CBR4: variants seen among roughly 807,000 people sequenced by gnomAD.
The protein encoded by CBR4 is carbonyl reductase 4.
A neutral mutation model predicts 21.0 loss-of-function variants in CBR4; 22 were observed. The observed-to-expected ratio is 1.05, with a 90% CI of 0.75 to 1.50. The LOEUF is 1.50. CBR4 is among the 40% of genes most tolerant of loss of function. The probability of loss-of-function intolerance (pLI) is 0.00; values close to 1 mark genes in which losing one functional copy is unlikely to be tolerated. For synonymous variants in CBR4, 100 were observed against 104.4 expected (o/e 0.96, Z 0.26); for missense variants, 302 against 286.3 (o/e 1.05, Z -0.40).
In CBR4 at chr4:168,989,810, A is replaced by G; in HGVS notation, c.*340T>C. 5 of 1,004,652 alleles carry G rather than the reference A, an allele frequency of 5.0e-6. No homozygotes were observed. The highest frequency in any genetic ancestry group is 5.9e-6 in the Non-Finnish European group (5 of 842,908). The allele number at this position is 1,004,652 out of a possible 1,614,324, so 62.2% of individuals were successfully genotyped here. A position where few individuals can be genotyped will look rare whatever the true frequency, so the allele number is the denominator to read the frequency against. On this transcript the variant is annotated 3_prime_UTR_variant, in exon 5 of 5. Coordinates refer to ENST00000306193, the MANE Select transcript of CBR4 (RefSeq NM_032783.5). ...CAAAGGTAAGTGATACACATCCTTTAGAAAACACAATTTGTCTGGGGGGAT... is the reference window on the plus strand; with the variant it reads ...CAAAGGTAAGTGATACACATCCTTTGGAAAACACAATTTGTCTGGGGGGAT...
At chr4:168,913,747 T>C (rs888633675) in intron 2 of CBR4, among the ~76,000 whole-genome samples, 6 of 152,100 alleles carry the variant, frequency 3.9e-5, no homozygotes, top group African/African-American at 1.2e-4. Context: ...AAAAATAGTT[T>C]TACTGAGGCA....
downstream of CBR4, among the ~76,000 whole-genome samples, chr4:168,987,411 G>C (rs184817726): frequency 6.6e-6 from 1 of 152,118 alleles, no homozygotes; most frequent in Non-Finnish European, 1.5e-5. Flanking sequence ...CAAGGTGTGG[G>C]TATCAAAACA....
chr4:168,973,820 G>C (rs780590760), intron 2 of CBR4, among the ~76,000 whole-genome samples: 1 of 152,184 alleles, frequency 6.6e-6, no homozygotes, highest in Non-Finnish European at 1.5e-5. Flanking sequence ...AGGTTTTCTA[G>C]TTTGTGTGCA....
At chr4:168,992,806 G>A (rs948889237) in intron 4 of CBR4, among the ~76,000 whole-genome samples, 2 of 152,050 alleles carry the variant, frequency 1.3e-5, no homozygotes, top group Admixed American at 1.3e-4. Context: ...ATAAAAAGTT[G>A]TTGAAAAAAT....
At chr4:168,950,032 T>G (rs1763496816) in intron 2 of CBR4, among the ~76,000 whole-genome samples, 1 of 152,182 alleles carries the variant, frequency 6.6e-6, no homozygotes, top group Non-Finnish European at 1.5e-5. Flanking sequence ...TTCCTAATGG[T>G]CTATCAGTTT....
chr4:168,905,146 T>G lies in CBR4; in HGVS notation n.170-10381A>C, dbSNP rs1366855077. Among the ~76,000 whole-genome samples, 182 of 127,530 alleles carry G rather than the reference T, an allele frequency of 1.4e-3. 38 individuals carry two copies. The highest frequency in any genetic ancestry group is 4.6e-3 in the African/African-American group (151 of 33,162). 83.7% of individuals were successfully genotyped at this position (127,530 alleles called of 152,430 possible). On this transcript the variant is annotated intron_variant and non_coding_transcript_variant, in intron 2 of 3. Coordinates refer to the CBR4 transcript ENST00000509108. Reference sequence around the variant, plus strand: ...TGTTTTTTGTTTTGTTGGTTTTTTTTTTTTTTTTTTTTTTTTTTTTTTGAG... The same window carrying G: ...TGTTTTTTGTTTTGTTGGTTTTTTTGTTTTTTTTTTTTTTTTTTTTTTGAG...
chr4:168,897,816 G>C (rs1755545362), intron 2 of CBR4, among the ~76,000 whole-genome samples: 1 of 151,328 alleles, frequency 6.6e-6, no homozygotes, highest in African/African-American at 2.4e-5. Flanking sequence ...GAATGTTGAT[G>C]GGTTGTTTTT....
chr4:168,991,675 T>A (rs1764930820), intron 4 of CBR4, among the ~76,000 whole-genome samples: 2 of 152,010 alleles, frequency 1.3e-5, no homozygotes, highest in African/African-American at 2.4e-5. Context: ...ATGAAGAAAA[T>A]CTTACAAGAT....
At chr4:168,895,982 G>A (rs763482213) in intron 2 of CBR4, among the ~76,000 whole-genome samples, 22 of 152,174 alleles carry the variant, frequency 1.4e-4, no homozygotes, top group Admixed American at 3.3e-4. Flanking sequence ...GCCAAGACCG[G>A]GTGGATTACC....
At chr4:168,983,743 G>A (rs1343307222), downstream of CBR4, among the ~76,000 whole-genome samples, 2 of 152,018 alleles carry the variant, frequency 1.3e-5, no homozygotes, top group Admixed American at 6.6e-5. Context: ...TGGGATGCAA[G>A]GTTAATTCAA....
chr4:168,925,231 A>T, intron 2 of CBR4: 1 of 1,606,660 alleles, frequency 6.2e-7, no homozygotes, highest in Non-Finnish European at 8.5e-7. Flanking sequence ...TTCTATTTGT[A>T]GTTTCTCGAC....
intron 2 of CBR4, among the ~76,000 whole-genome samples, chr4:168,961,391 A>G (rs1392893245): frequency 6.6e-6 from 1 of 152,214 alleles, no homozygotes; most frequent in Non-Finnish European, 1.5e-5. Flanking sequence ...TATGAACAAA[A>G]AAGAATTTCT....
intron 2 of CBR4, among the ~76,000 whole-genome samples, chr4:168,932,671 C>T (rs897689603): frequency 6.6e-6 from 1 of 151,946 alleles, no homozygotes; most frequent in Non-Finnish European, 1.5e-5. Flanking sequence ...AGAATTCTAA[C>T]AACAGCAAGA....
chr4:168,932,071 A>G (rs981467346), intron 2 of CBR4, among the ~76,000 whole-genome samples: 1 of 152,192 alleles, frequency 6.6e-6, no homozygotes, highest in Non-Finnish European at 1.5e-5. Flanking sequence ...AAAGAACACA[A>G]TAATGCTCCA....
chr4:168,920,998 G>T (rs566481677), intron 2 of CBR4, among the ~76,000 whole-genome samples: 2 of 152,006 alleles, frequency 1.3e-5, no homozygotes, highest in Admixed American at 1.3e-4. Context: ...ATCCCATCTC[G>T]GTCTTCTCTA....
chr4:169,006,292 T>C (rs1271120322), intron 3 of CBR4, among the ~76,000 whole-genome samples: 2 of 151,922 alleles, frequency 1.3e-5, no homozygotes, highest in African/African-American at 2.4e-5. Context: ...CTTGAGCCCA[T>C]GAGTTAAAGA....
intron 2 of CBR4, among the ~76,000 whole-genome samples, chr4:168,925,863 A>G (rs563874767): frequency 3.3e-5 from 5 of 152,330 alleles, no homozygotes; most frequent in Admixed American, 6.5e-5. Flanking sequence ...CCTAAGTGCT[A>G]TAATTATTTT....
At position 168,926,223 on chromosome 4, in the gene CBR4, T is replaced by C. The variant is rs796831946; in HGVS notation, n.170-31458A>G. 4 of 1,533,542 alleles carry C rather than the reference T, an allele frequency of 2.6e-6. No individual in the cohort carries two copies. Among genetic ancestry groups the C allele is most frequent in the Non-Finnish European group, 3.5e-6 (4 of 1,144,572 alleles). The allele number at this position is 1,533,542 out of a possible 1,614,324, so 95.0% of individuals were successfully genotyped here. A position where few individuals can be genotyped will look rare whatever the true frequency, so the allele number is the denominator to read the frequency against. On this transcript the variant is annotated intron_variant and non_coding_transcript_variant, in intron 2 of 3. Transcript: ENST00000509108. The stretch of plus-strand genomic sequence containing the variant: ...TCTTTTTCTTTGTAGCCCAGTGGCA[T>C]CAGCAGTCACAGAGCACCAAGCCAA...
chr4:169,008,382 C>T (rs1050330236), intron 1 of CBR4, among the ~76,000 whole-genome samples: 2 of 151,670 alleles, frequency 1.3e-5, no homozygotes, highest in African/African-American at 2.4e-5. Flanking sequence ...TGGTTAAATG[C>T]CAAAAAAAAA....
Sources: gnomAD v4.1 joint callset for allele counts (sites outside exome capture counted in the v4.1 genomes callset) on GRCh38, gnomAD v4.1.1 for gene constraint, MANE v1.5 for transcripts, NCBI Gene and HGNC (gene_info 2026-07-23, HGNC 2026-07-21) for gene names.